Variants in KCNAB1 observed in about 807,000 individuals in gnomAD.
KCNAB1 encodes the protein potassium voltage-gated channel subfamily A regulatory beta subunit 1, also known as voltage-gated potassium channel subunit beta-1.
In KCNAB1, 35 loss-of-function variants were observed where a neutral mutation model predicts 64.6. That is an observed-to-expected ratio of 0.54 (90% confidence interval 0.41 to 0.72). KCNAB1 has a LOEUF of 0.72. Among genes scored for constraint, KCNAB1 ranks in the 30% least tolerant of loss-of-function variants. The pLI, the probability that KCNAB1 is intolerant of heterozygous loss-of-function variation, is 0.00. For missense variants in KCNAB1, 401 were observed against 512.9 expected, an observed-to-expected ratio of 0.78 and a Z score of 2.11; for synonymous variants, 177 against 183.8, an observed-to-expected ratio of 0.96 and a Z score of 0.30.
rs550008683 is a variant in KCNAB1, at chr3:156,321,880, C to T, written c.276-99736C>T. Among the ~76,000 whole-genome samples the T allele has an allele frequency of 5.4e-4, 83 of 152,306 alleles. 1 individual carries two copies. The highest frequency in any genetic ancestry group is 9.7e-4 in the Non-Finnish European group (66 of 68,016). Reference sequence around the variant, plus strand: ...TTTAAAAGATAGATCTTAAGAGATGCATCTTACTTGTTTGTTACGTTCCAA... The same window carrying T: ...TTTAAAAGATAGATCTTAAGAGATGTATCTTACTTGTTTGTTACGTTCCAA... On this transcript the variant is annotated intron_variant, in intron 1 of 13. Transcript: ENST00000490337.
intron 7 of KCNAB1, among the ~76,000 whole-genome samples, chr3:156,470,640 T>C (rs17417784): frequency 0.016 from 2,450 of 151,716 alleles, 32 homozygotes; most frequent in South Asian, 0.038. Flanking sequence ...CGACTCTACA[T>C]TTGCCTTTCA....
At chr3:156,402,627 G>A (rs979226165) in intron 1 of KCNAB1, among the ~76,000 whole-genome samples, 4 of 152,126 alleles carry the variant, frequency 2.6e-5, no homozygotes, top group African/African-American at 9.7e-5. Context: ...GGGATGCTGG[G>A]ATTTCCTTAT....
At chr3:156,356,339 C>T (rs752434477) in intron 1 of KCNAB1, among the ~76,000 whole-genome samples, 6 of 151,780 alleles carry the variant, frequency 4.0e-5, no homozygotes, top group Non-Finnish European at 8.8e-5. Flanking sequence ...AGAAACACAT[C>T]AAGTAAGACC....
chr3:156,457,794 A>G (rs1712561788), intron 4 of KCNAB1, among the ~76,000 whole-genome samples: 1 of 152,190 alleles, frequency 6.6e-6, no homozygotes, highest in African/African-American at 2.4e-5. Flanking sequence ...AGCAATTGCC[A>G]TGTCTATGTG....
intron 1 of KCNAB1, among the ~76,000 whole-genome samples, chr3:156,387,650 T>C (rs1024073750): frequency 2.0e-5 from 3 of 152,202 alleles, no homozygotes; most frequent in African/African-American, 7.2e-5. Flanking sequence ...CAGATCTGTA[T>C]TCACCAGTGT....
chr3:156,130,302 A>G (rs552993725), intron 1 of KCNAB1, among the ~76,000 whole-genome samples: 14 of 152,326 alleles, frequency 9.2e-5, no homozygotes, highest in African/African-American at 1.2e-4. Context: ...TTTTCTAGTA[A>G]AAATAGGTGT....
At chr3:156,149,718 C>T (rs1293610937) in intron 1 of KCNAB1, among the ~76,000 whole-genome samples, 1 of 152,154 alleles carries the variant, frequency 6.6e-6, no homozygotes, top group Non-Finnish European at 1.5e-5. Context: ...AGTGGATACC[C>T]AGGAAAGACT....
At chr3:156,278,528 A>C (rs1719489471) in intron 1 of KCNAB1, among the ~76,000 whole-genome samples, 1 of 152,166 alleles carries the variant, frequency 6.6e-6, no homozygotes, top group Admixed American at 6.6e-5. Flanking sequence ...TGCTCAAAAA[A>C]CATTTTCTTT....
chr3:156,479,585 C>A (rs940092250), intron 8 of KCNAB1, among the ~76,000 whole-genome samples: 4 of 152,110 alleles, frequency 2.6e-5, no homozygotes, highest in Non-Finnish European at 2.9e-5. Context: ...AGAGGGGACA[C>A]ACTAACTTTT....
chr3:156,419,510 G>GAAAAAAAAAA (rs58080148), intron 1 of KCNAB1, among the ~76,000 whole-genome samples: 6 of 97,484 alleles, frequency 6.2e-5, no homozygotes, highest in Admixed American at 3.3e-4. Flanking sequence ...CAAAAAAAAA[G>GAAAAAAAAAA]AAAAAAAAAA....
rs1046549156 is a variant in KCNAB1, at chr3:156,508,959, T to C, written c.659-5405T>C. 6.6e-6 allele frequency among the ~76,000 whole-genome samples: 1 copy of C among 152,126 alleles called. No homozygotes were observed. Among genetic ancestry groups the C allele is most frequent in the Non-Finnish European group, 1.5e-5 (1 of 68,032 alleles). ...AGTCAGTTTTTCTAAAAGTTTGTGA[T>C]TGAGAGCTAATGAAACTAATACAAA... On this transcript the variant is annotated intron_variant, in intron 8 of 13. Transcript: ENST00000490337. This position sits in a 1 kb window ranked among gnomAD's most constrained non-coding sequence, Gnocchi z 4.1.
intron 1 of KCNAB1, among the ~76,000 whole-genome samples, chr3:156,208,357 C>T (rs952470883): frequency 6.6e-6 from 1 of 152,204 alleles, no homozygotes; most frequent in African/African-American, 2.4e-5. Flanking sequence ...TCCCATCTTG[C>T]GAACAGGGCT....
chr3:156,414,798 T>C (rs944718964), intron 1 of KCNAB1, among the ~76,000 whole-genome samples: 6 of 152,266 alleles, frequency 3.9e-5, no homozygotes, highest in African/African-American at 1.4e-4. Context: ...AGAGTAGCTC[T>C]TATTTAAGGG....
chr3:156,286,446 T>A (rs77666561), intron 1 of KCNAB1, among the ~76,000 whole-genome samples: 2,453 of 152,320 alleles, frequency 0.016, 54 homozygotes, highest in Non-Finnish European at 0.02. Context: ...GGCTGCATAA[T>A]TGAGTGTTTT....
chr3:156,396,722 T>C (rs908419677), intron 1 of KCNAB1, among the ~76,000 whole-genome samples: 4 of 152,332 alleles, frequency 2.6e-5, no homozygotes, highest in South Asian at 2.1e-4. Context: ...TTGGCAGCAA[T>C]ATTCATTTTT....
intron 1 of KCNAB1, among the ~76,000 whole-genome samples, chr3:156,264,336 T>C (rs1718583242): frequency 6.6e-6 from 1 of 152,126 alleles, no homozygotes; most frequent in Non-Finnish European, 1.5e-5. Flanking sequence ...TCTTGATTTT[T>C]CATGACAATC....
chr3:156,179,654 G>A (rs1251978661), intron 1 of KCNAB1, among the ~76,000 whole-genome samples: 1 of 152,142 alleles, frequency 6.6e-6, no homozygotes, highest in African/African-American at 2.4e-5. Flanking sequence ...TGCATGCAAT[G>A]AGGGGTAACC....
chr3:156,498,218 T>C (rs1456862485), intron 8 of KCNAB1, among the ~76,000 whole-genome samples: 1 of 152,158 alleles, frequency 6.6e-6, no homozygotes, highest in East Asian at 1.9e-4. Flanking sequence ...CAAGACAATG[T>C]TGAAGATGAT....
chr3:156,189,706 A>C (rs542947715), intron 1 of KCNAB1, among the ~76,000 whole-genome samples: 2 of 150,702 alleles, frequency 1.3e-5, no homozygotes, highest in African/African-American at 5.0e-5. Flanking sequence ...CTTTTCAGTA[A>C]TCGTCAGTTA....
Sources: gnomAD v4.1 joint callset for allele counts (sites outside exome capture counted in the v4.1 genomes callset) on GRCh38, gnomAD v4.1.1 for gene constraint, Gnocchi (gnomAD v3.1) non-coding constraint, MANE v1.5 for transcripts, NCBI Gene and HGNC (gene_info 2026-07-23, HGNC 2026-07-21) for gene names.